Variants in ST7L observed in about 807,000 individuals in gnomAD.
The protein encoded by ST7L is suppressor of tumorigenicity 7 protein-like.
A neutral mutation model predicts 72.5 loss-of-function variants in ST7L; 57 were observed. The ratio of observed to expected loss-of-function variants is 0.79; its 90% confidence interval spans 0.64 to 0.98. The LOEUF is 0.98. Among genes scored for constraint, ST7L ranks in the 50% least tolerant of loss-of-function variants. The pLI, the probability that ST7L is intolerant of heterozygous loss-of-function variation, is 0.00. For missense variants in ST7L, 576 were observed against 672.2 expected, an observed-to-expected ratio of 0.86 and a Z score of 1.58; for synonymous variants, 221 against 240.9, an observed-to-expected ratio of 0.92 and a Z score of 0.77.
chr1:112,611,256 A>G (rs1028256594), intron 2 of ST7L, among the ~76,000 whole-genome samples: 1 of 152,230 alleles, frequency 6.6e-6, no homozygotes, highest in Non-Finnish European at 1.5e-5. Flanking sequence ...AGCATTAAAA[A>G]CAGAAAGAAG....
intron 2 of ST7L, among the ~76,000 whole-genome samples, chr1:112,611,408 A>G (rs1195056176): frequency 1.3e-5 from 2 of 152,176 alleles, no homozygotes; most frequent in Non-Finnish European, 2.9e-5. Context: ...TAACTCCCAA[A>G]TCAGTCATTT....
At chr1:112,556,810 A>G (rs931046610) in intron 11 of ST7L, among the ~76,000 whole-genome samples, 1 of 151,844 alleles carries the variant, frequency 6.6e-6, no homozygotes, top group Non-Finnish European at 1.5e-5. Context: ...TCTACTAAAA[A>G]TACAAAAATT....
intron 5 of ST7L, 81 bp downstream of exon 5, chr1:112,597,890 T>C: frequency 1.0e-6 from 1 of 981,112 alleles, no homozygotes; most frequent in South Asian, 2.1e-5. Context: ...TAACTCTGTA[T>C]ATTATAATAA....
chr1:112,582,525 G>T, intron 7 of ST7L, 53 bp from the exon 8 acceptor site: 1 of 1,055,066 alleles, frequency 9.5e-7, no homozygotes, highest in Non-Finnish European at 1.4e-6. Context: ...ATTGTGGGCT[G>T]CTATTTCATT....
chr1:112,576,574 T>G (rs1459164922), intron 11 of ST7L, among the ~76,000 whole-genome samples: 1 of 152,242 alleles, frequency 6.6e-6, no homozygotes, highest in Non-Finnish European at 1.5e-5. Flanking sequence ...TTTAATCTGT[T>G]TGTCTTCAGT....
rs568698416 is a variant in ST7L at position 112,578,198 on chromosome 1, C to G, written c.1142+147G>C. 12 of 740,344 alleles carry G rather than the reference C, an allele frequency of 1.6e-5. No individual in the cohort carries two copies. The Admixed American group carries it at 3.2e-4, about 20-fold the overall frequency. The allele number at this position is 740,344 out of a possible 1,614,324, so 45.9% of individuals were successfully genotyped here. A position where few individuals can be genotyped will look rare whatever the true frequency, so the allele number is the denominator to read the frequency against. ...AAAACTTTGCTCTTTCCACTACACA[C>G]AGCAAGAAGCCTAAAAGCCCAAGAA... On this transcript the variant is annotated intron_variant, in intron 10 of 14. Coordinates refer to ENST00000358039, the MANE Select transcript of ST7L (RefSeq NM_017744.5).
At chr1:112,565,362 C>T (rs771413804) in intron 11 of ST7L, among the ~76,000 whole-genome samples, 3 of 151,808 alleles carry the variant, frequency 2.0e-5, no homozygotes, top group Non-Finnish European at 4.4e-5. Context: ...TGAGCCACCA[C>T]GCCCAGCCAA....
intron 13 of ST7L, among the ~76,000 whole-genome samples, chr1:112,545,377 C>A (rs1656881730): frequency 6.6e-6 from 1 of 152,070 alleles, no homozygotes; most frequent in Non-Finnish European, 1.5e-5. Context: ...TATTAGACAA[C>A]CTTTGCAATA....
chr1:112,589,409 G>A (rs1665348047), intron 6 of ST7L, among the ~76,000 whole-genome samples: 1 of 151,932 alleles, frequency 6.6e-6, no homozygotes, highest in Non-Finnish European at 1.5e-5. Flanking sequence ...TCTTTCCTAT[G>A]TATGGGACAT....
chr1:112,614,238 A>AAAAC (rs61698183), intron 2 of ST7L, among the ~76,000 whole-genome samples: 75,708 of 151,038 alleles, frequency 0.5, 19,366 homozygotes, highest in East Asian at 0.65. Flanking sequence ...TAGTTTCTTT[A>AAAAC]AAACAAACAA....
intron 12 of ST7L, 34 bp downstream of exon 12, chr1:112,555,834 G>C (rs764004424): frequency 2.8e-6 from 4 of 1,443,418 alleles, no homozygotes; most frequent in Non-Finnish European, 2.8e-6. Flanking sequence ...AATAGTTAGA[G>C]AGATTAGTGT....
intron 13 of ST7L, among the ~76,000 whole-genome samples, chr1:112,542,747 CTAAATAAATAAATAAATAAA>C (rs71081246): frequency 1.0e-4 from 15 of 142,924 alleles, no homozygotes; most frequent in East Asian, 6.2e-4. Flanking sequence ...AGACCTGTCT[CTAAATAAATAAATAAATAAA>C]TAAATAAATA....
upstream of ST7L, chr1:112,619,216 A>G (rs964612369): frequency 5.3e-6 from 6 of 1,138,398 alleles, no homozygotes; most frequent in Admixed American, 2.2e-5. Flanking sequence ...GCCTCTGTGA[A>G]GGCTGAGTCC....
chr1:112,586,182 G>C (rs663533), intron 6 of ST7L, among the ~76,000 whole-genome samples: 98,462 of 152,168 alleles, frequency 0.65, 33,619 homozygotes, highest in African/African-American at 0.86. Context: ...AATCCCAGCA[G>C]TTTGGGAGGC....
chr1:112,569,872 C>T (rs1049146630), intron 11 of ST7L, among the ~76,000 whole-genome samples: 2 of 149,648 alleles, frequency 1.3e-5, no homozygotes, highest in African/African-American at 4.9e-5. Context: ...GCAAGAAAAT[C>T]GCTTGAAACC....
At chr1:112,567,104 T>G (rs1661180712) in intron 11 of ST7L, among the ~76,000 whole-genome samples, 1 of 152,238 alleles carries the variant, frequency 6.6e-6, no homozygotes, top group Admixed American at 6.5e-5. Context: ...TTTCACATTC[T>G]TATTGACATT....
chr1:112,592,642 G>C (rs1665878423), intron 5 of ST7L, among the ~76,000 whole-genome samples: 1 of 151,998 alleles, frequency 6.6e-6, no homozygotes, highest in Non-Finnish European at 1.5e-5. Flanking sequence ...TTTGATGATA[G>C]GCTGTCTTCT....
At chr1:112,597,003 A>G (rs1254313138) in intron 5 of ST7L, among the ~76,000 whole-genome samples, 1 of 152,202 alleles carries the variant, frequency 6.6e-6, no homozygotes, top group Admixed American at 6.5e-5. Flanking sequence ...GCTGGATAAT[A>G]GAGATTCAAA....
At chr1:112,610,096 G>A (rs1212770602) in intron 3 of ST7L, among the ~76,000 whole-genome samples, 1 of 152,060 alleles carries the variant, frequency 6.6e-6, no homozygotes, top group Non-Finnish European at 1.5e-5. Flanking sequence ...CTTATAGCTA[G>A]TAATGGCCAT....
Sources: gnomAD v4.1 joint callset for allele counts (sites outside exome capture counted in the v4.1 genomes callset) on GRCh38, gnomAD v4.1.1 for gene constraint, MANE v1.5 for transcripts, NCBI Gene and HGNC (gene_info 2026-07-23, HGNC 2026-07-21) for gene names.